Variants in SEMA5B observed in about 807,000 individuals in gnomAD.
SEMA5B encodes the protein semaphorin 5B.
Under a neutral mutation model 135.0 loss-of-function variants are expected in SEMA5B, and 66 were observed. That is an observed-to-expected ratio of 0.49 (90% CI 0.40 to 0.60). SEMA5B has a LOEUF of 0.60. Ranked by LOEUF, SEMA5B falls within the 20% of genes least tolerant of loss-of-function variation. SEMA5B has a pLI of 0.00. For missense variants in SEMA5B, 1,501 were observed against 1,566.3 expected, an observed-to-expected ratio of 0.96 and a Z score of 0.70; for synonymous variants, 690 against 639.5, an observed-to-expected ratio of 1.08 and a Z score of -1.19.
chr3:122,996,784 G>A (rs1576399298), intron 1 of SEMA5B, among the ~76,000 whole-genome samples: 2 of 152,290 alleles, frequency 1.3e-5, no homozygotes, highest in South Asian at 4.1e-4. Flanking sequence ...CCTTGCCCTG[G>A]GCCTCTGGGA....
chr3:122,927,724 G>A (rs893009769), intron 8 of SEMA5B, 66 bp downstream of exon 8: 4 of 1,189,906 alleles, frequency 3.4e-6, no homozygotes, highest in Admixed American at 6.2e-5. Flanking sequence ...TGAATGGGGG[G>A]CTCAGGGTGG....
rs1430033527 is a variant in SEMA5B, at chr3:122,948,692, G to A, written c.142C>T (p.Pro48Ser). 6.2e-7 allele frequency: 1 copy of A among 1,603,152 alleles called. No individual in the cohort carries two copies. Among genetic ancestry groups the A allele is most frequent in the Admixed American group, 1.7e-5 (1 of 59,610 alleles). The change falls in exon 3 of 23, where the codon CCT becomes TCT. Residue 48 changes from proline (P) to serine (S), a missense_variant. Physicochemically the swap from Pro to Ser is moderately conservative, Grantham distance 74. Transcript: ENST00000357599. ...SLVRGLLPCL[P>S]PGARTAEGPI... ...CCCTCTGCAGTCCTAGCTCCGGGAG[G>A]CAGACAGGGGAGAAGACCTGCAACG...
chr3:122,999,546 T>TA (rs1942120108), intron 1 of SEMA5B, among the ~76,000 whole-genome samples: 2 of 151,112 alleles, frequency 1.3e-5, no homozygotes, highest in South Asian at 4.2e-4. Flanking sequence ...TTTTTTTTTT[T>TA]AAACCCACCA....
chr3:122,992,322 G>A (rs750742907), intron 1 of SEMA5B, among the ~76,000 whole-genome samples: 6 of 152,230 alleles, frequency 3.9e-5, no homozygotes, highest in East Asian at 1.9e-4. Flanking sequence ...GCTCCAGGAC[G>A]ATGATGACAG....
At position 122,913,275 on chromosome 3, in the gene SEMA5B, G is replaced by T; in HGVS notation, c.2430C>A (p.His810Gln). Reference protein sequence around the residue: ...FTCRAPLADPHGLQFGRRRTE... With the variant: ...FTCRAPLADPQGLQFGRRRTE... ...TCCTTCTCCTGCCGAACTGCAGGCCGTGCGGGTCTGCAAGGGGCGCGCGGC... is the reference window on the plus strand; with the variant it reads ...TCCTTCTCCTGCCGAACTGCAGGCCTTGCGGGTCTGCAAGGGGCGCGCGGC... The change falls in exon 17 of 23, where the codon CAC (histidine) becomes CAA (glutamine). Residue 810 changes from histidine to glutamine, a missense_variant. By Grantham distance (24) the His-to-Gln change is conservative. Transcript: ENST00000357599. 6.3e-7 allele frequency: 1 copy of T among 1,584,036 alleles called. No individual in the cohort carries two copies. Among genetic ancestry groups the T allele is most frequent in the Non-Finnish European group, 8.5e-7 (1 of 1,173,674 alleles).
intron 1 of SEMA5B, among the ~76,000 whole-genome samples, chr3:122,980,738 T>C (rs1317868579): frequency 6.6e-6 from 1 of 152,348 alleles, no homozygotes; most frequent in East Asian, 1.9e-4. Context: ...CACACTGCTG[T>C]GTACTATCGC....
At position 122,961,164 on chromosome 3, in the gene SEMA5B, C is replaced by A; in HGVS notation, c.100G>T (p.Gly34Cys). Residue 34 changes from glycine (G) to cysteine (C), a missense_variant, in exon 2 of 23, where the codon GGC (glycine) becomes TGC (cysteine). This residue lies in a region of SEMA5B where 574 missense variants were observed against 684.7 expected (regional missense o/e 0.84). Transcript: ENST00000357599. Reference sequence around the variant, plus strand: ...CCCCTGACCAGTGAGAGAAGCCAGCCCCCTACTGTCCATCCACACCTTAGC... The same window carrying A: ...CCCCTGACCAGTGAGAGAAGCCAGCACCCTACTGTCCATCCACACCTTAGC... The part of the protein sequence containing the change: ...QQLRCGWTVG[G>C]WLLSLVRGLL... 1 of 1,613,282 alleles carries A rather than the reference C, an allele frequency of 6.2e-7. No homozygotes were observed.
intron 2 of SEMA5B, among the ~76,000 whole-genome samples, chr3:122,954,052 G>GT (rs1308114208): frequency 1.3e-5 from 2 of 152,216 alleles, no homozygotes; most frequent in African/African-American, 2.4e-5. Flanking sequence ...ATATTCTTCT[G>GT]TTTTTTGTTT....
Position 122,909,224 on chromosome 3 carries a change from C to T in SEMA5B, c.*919G>A, listed in dbSNP as rs80353916. ...TGGATATCATCTTTAATTAATAATG[C>T]CACAGCCCAATGTCTTTTTTGTTGC... On this transcript the variant is annotated 3_prime_UTR_variant, in exon 23 of 23. Transcript: ENST00000357599. 0.03 allele frequency: 4,646 copies of T among 152,686 alleles called. 101 individuals are homozygous for T. Among genetic ancestry groups the T allele is most frequent in the South Asian group, 0.085 (408 of 4,826 alleles). The allele number at this position is 152,686 out of a possible 1,614,324, so 9.5% of individuals were successfully genotyped here. A position where few individuals can be genotyped will look rare whatever the true frequency, so the allele number is the denominator to read the frequency against.
In SEMA5B at chr3:122,923,710, A is replaced by T. The variant is rs1407733068; in HGVS notation, c.1179T>A (p.Ser393Arg). 6.2e-7 allele frequency: 1 copy of T among 1,614,034 alleles called. No homozygotes were observed. The highest frequency in any genetic ancestry group is 1.3e-5 in the African/African-American group (1 of 74,904). ...GGCCATTGAAAGCCTGGGAGATAGC[A>T]CTGAGGTTGAAGGCGCAGACAGCAG... Reference protein sequence around the residue: ...AASAVCAFNLSAISQAFNGPF... With the variant: ...AASAVCAFNLRAISQAFNGPF... The change falls in exon 10 of 23, where the codon AGT (serine) becomes AGA (arginine). Residue 393 changes from serine to arginine, a missense_variant. Physicochemically the swap from Ser to Arg is moderately radical, Grantham distance 110. Transcript: ENST00000357599.
At chr3:123,026,542 T>C (rs919867855) in intron 1 of SEMA5B, among the ~76,000 whole-genome samples, 7 of 152,084 alleles carry the variant, frequency 4.6e-5, no homozygotes, top group Admixed American at 2.0e-4. Context: ...TCGGCTCCGT[T>C]GGGCCGGGTT....
At chr3:122,912,390 C>T in intron 18 of SEMA5B, 48 bp from the exon 19 acceptor site, 1 of 1,483,898 alleles carries the variant, frequency 6.7e-7, no homozygotes, top group Non-Finnish European at 9.0e-7. Flanking sequence ...AGCCAGGGCC[C>T]AAGACGGTCT....
intron 1 of SEMA5B, among the ~76,000 whole-genome samples, chr3:122,979,018 G>T (rs1941433227): frequency 6.6e-6 from 1 of 152,150 alleles, no homozygotes; most frequent in Non-Finnish European, 1.5e-5. Flanking sequence ...TGGCTCCGAA[G>T]GCGGTTCAGA....
chr3:122,909,286 T>C lies in SEMA5B; in HGVS notation c.*857A>G, dbSNP rs1937596695. The C allele has an allele frequency of 6.6e-6, 1 of 152,474 alleles. No homozygotes were observed. Among genetic ancestry groups the C allele is most frequent in the South Asian group, 2.1e-4 (1 of 4,824 alleles). 9.4% of individuals were successfully genotyped at this position (152,474 alleles called of 1,614,324 possible). A position where few individuals can be genotyped will look rare whatever the true frequency, so the allele number is the denominator to read the frequency against. On this transcript the variant is annotated 3_prime_UTR_variant, in exon 23 of 23. Coordinates refer to ENST00000357599, the MANE Select transcript of SEMA5B (RefSeq NM_001031702.4). ...GTGATTGTGTGTGCGTGTGTGAGTGTGTGTGTGTGTGTGTTCCTGAACAGA... is the reference window on the plus strand; with the variant it reads ...GTGATTGTGTGTGCGTGTGTGAGTGCGTGTGTGTGTGTGTTCCTGAACAGA...
At chr3:122,938,502 A>G (rs927398306) in intron 5 of SEMA5B, among the ~76,000 whole-genome samples, 2 of 152,168 alleles carry the variant, frequency 1.3e-5, no homozygotes, top group African/African-American at 4.8e-5. Context: ...CCAGCTCCCC[A>G]AGAAGGTCTC....
chr3:122,922,987 A>C (rs553558206), intron 10 of SEMA5B, among the ~76,000 whole-genome samples: 6 of 152,316 alleles, frequency 3.9e-5, no homozygotes, highest in African/African-American at 1.4e-4. Context: ...AGACTGAAGG[A>C]GGTTGGATGA....
intron 12 of SEMA5B, among the ~76,000 whole-genome samples, chr3:122,921,244 C>T (rs1198892839): frequency 6.6e-6 from 1 of 152,216 alleles, no homozygotes; most frequent in African/African-American, 2.4e-5. Flanking sequence ...GGGAGAGCCT[C>T]GGGTGGTAGG....
chr3:122,975,238 T>C (rs1941275845), intron 1 of SEMA5B: 1 of 152,506 alleles, frequency 6.6e-6, no homozygotes, highest in Non-Finnish European at 1.5e-5. Context: ...GCTGATCCCC[T>C]GCCTGCCAGG....
chr3:122,962,294 G>C (rs548476509), intron 1 of SEMA5B, among the ~76,000 whole-genome samples: 1 of 152,334 alleles, frequency 6.6e-6, no homozygotes, highest in East Asian at 1.9e-4. Context: ...CTGAATTTCT[G>C]AAGAAGGAGT....
Sources: allele counts gnomAD v4.1 joint callset (sites outside exome capture counted in the v4.1 genomes callset), GRCh38; gene constraint gnomAD v4.1.1; regional missense constraint gnomAD v4.1.1; transcripts MANE v1.5; gene names NCBI Gene and HGNC (gene_info 2026-07-23, HGNC 2026-07-21).